KCNN2: variants seen among roughly 807,000 people sequenced by gnomAD.
KCNN2 encodes potassium calcium-activated channel subfamily N member 2, also known as small conductance calcium-activated potassium channel protein 2.
A neutral mutation model predicts 55.5 loss-of-function variants in KCNN2; 24 were observed. The observed-to-expected ratio is 0.43, with a 90% CI of 0.31 to 0.61. KCNN2 has a LOEUF of 0.61. KCNN2 is among the 20% of genes least tolerant of loss of function. The pLI, the probability that KCNN2 is intolerant of heterozygous loss-of-function variation, is 0.08. For synonymous variants in KCNN2, 431 were observed against 336.1 expected, an observed-to-expected ratio of 1.28 and a Z score of -3.09; for missense variants, 754 against 853.6, an observed-to-expected ratio of 0.88 and a Z score of 1.45.
chr5:114,389,168 A>C (rs1426394954), intron 2 of KCNN2, among the ~76,000 whole-genome samples: 1 of 151,854 alleles, frequency 6.6e-6, no homozygotes, highest in Non-Finnish European at 1.5e-5. Flanking sequence ...GATTTACTTA[A>C]TGTAATAATT....
intron 2 of KCNN2, among the ~76,000 whole-genome samples, chr5:114,377,129 G>C (rs1362407221): frequency 6.6e-6 from 1 of 152,082 alleles, no homozygotes; most frequent in Non-Finnish European, 1.5e-5. Flanking sequence ...TTTTAAATTT[G>C]CCTAATGGAT....
intron 2 of KCNN2, among the ~76,000 whole-genome samples, chr5:114,400,923 A>G (rs1482200338): frequency 2.0e-5 from 3 of 150,738 alleles, no homozygotes; most frequent in Non-Finnish European, 4.4e-5. Flanking sequence ...AACAATGTCC[A>G]AAAGCGTAAT....
At chr5:114,428,983 G>T (rs565497278) in intron 3 of KCNN2, among the ~76,000 whole-genome samples, 1 of 152,142 alleles carries the variant, frequency 6.6e-6, no homozygotes, top group East Asian at 1.9e-4. Context: ...GGGCATCTTG[G>T]TGGCTTCCAA....
intron 2 of KCNN2, among the ~76,000 whole-genome samples, chr5:114,344,348 G>T (rs140346630): frequency 4.8e-4 from 73 of 152,330 alleles, no homozygotes; most frequent in African/African-American, 1.7e-3. Context: ...TCACAGCAAA[G>T]AATGCAGATG....
At chr5:114,148,280 A>T (rs1752445671) in intron 1 of KCNN2, among the ~76,000 whole-genome samples, 4 of 152,176 alleles carry the variant, frequency 2.6e-5, no homozygotes, top group Admixed American at 2.6e-4. Context: ...ACACCCTGAT[A>T]GGTTTAATAA....
chr5:114,065,174 G>A (rs1049779306), intron 1 of KCNN2, among the ~76,000 whole-genome samples: 4 of 152,188 alleles, frequency 2.6e-5, no homozygotes, highest in South Asian at 2.1e-4. Flanking sequence ...TTTGGATTGC[G>A]AAGAGGAACT....
intron 1 of KCNN2, among the ~76,000 whole-genome samples, chr5:114,108,877 G>C (rs889585979): frequency 6.6e-6 from 1 of 152,040 alleles, no homozygotes. Flanking sequence ...TTTCTCTTGG[G>C]TAAACAGAAG....
chr5:114,431,166 A>T (rs1759781357), intron 3 of KCNN2, among the ~76,000 whole-genome samples: 1 of 152,114 alleles, frequency 6.6e-6, no homozygotes, highest in African/African-American at 2.4e-5. Context: ...GAGAATTAGT[A>T]TAATTTCTTC....
At position 114,368,680 on chromosome 5, in the gene KCNN2, C is replaced by G. The variant is rs375682636; in HGVS notation, c.1218+4679C>G. ...ACCAATACACATAATAAAAACAGTA[C>G]AGCAGACTTTAGAATAAAAAGTGAA... On this transcript the variant is annotated intron_variant, in intron 2 of 7. Transcript: ENST00000673685. Among the ~76,000 whole-genome samples the G allele has an allele frequency of 6.6e-5, 10 of 152,188 alleles. No individual in the cohort carries two copies. The East Asian group carries it at 7.7e-4, about 12-fold the overall frequency.
intron 2 of KCNN2, among the ~76,000 whole-genome samples, chr5:114,371,233 T>C (rs1236543258): frequency 6.6e-6 from 1 of 152,164 alleles, no homozygotes; most frequent in African/African-American, 2.4e-5. Flanking sequence ...TTATGCTGAT[T>C]GTATATGAGA....
At chr5:114,161,141 A>G (rs952346584) in intron 1 of KCNN2, among the ~76,000 whole-genome samples, 2 of 152,134 alleles carry the variant, frequency 1.3e-5, no homozygotes, top group African/African-American at 4.8e-5. Flanking sequence ...AGTGGCTGGT[A>G]CTGGTTTTTC....
chr5:114,247,295 T>C (rs1304941898), intron 2 of KCNN2, among the ~76,000 whole-genome samples: 1 of 151,320 alleles, frequency 6.6e-6, no homozygotes, highest in Admixed American at 6.6e-5. Context: ...TAACAGACAG[T>C]TTTCTACACA....
chr5:114,153,169 T>A (rs567010365), intron 1 of KCNN2, among the ~76,000 whole-genome samples: 1 of 152,308 alleles, frequency 6.6e-6, no homozygotes, highest in Non-Finnish European at 1.5e-5. Flanking sequence ...CAATTAGATA[T>A]ATGAGTCAGA....
chr5:114,341,151 GA>G (rs1260706218), intron 2 of KCNN2, among the ~76,000 whole-genome samples: 1 of 152,108 alleles, frequency 6.6e-6, no homozygotes, highest in Non-Finnish European at 1.5e-5. Flanking sequence ...CATAAAGCTG[GA>G]AAAATATTTA....
At chr5:114,332,218 T>C (rs1420050954) in intron 2 of KCNN2, among the ~76,000 whole-genome samples, 2 of 152,178 alleles carry the variant, frequency 1.3e-5, no homozygotes, top group Non-Finnish European at 2.9e-5. Flanking sequence ...GAAAAGGATG[T>C]GTGACAGACA....
At chr5:114,149,336 G>A (rs1193879009) in intron 1 of KCNN2, among the ~76,000 whole-genome samples, 4 of 152,110 alleles carry the variant, frequency 2.6e-5, no homozygotes, top group Non-Finnish European at 4.4e-5. Flanking sequence ...AACAAAGAAG[G>A]CCATATTGGG....
chr5:114,357,898 T>C (rs1054779008), upstream of KCNN2, among the ~76,000 whole-genome samples: 10 of 151,480 alleles, frequency 6.6e-5, no homozygotes, highest in African/African-American at 2.4e-4. Flanking sequence ...ATGGTTGAAC[T>C]AGTTTACAGT....
In KCNN2 at chr5:114,461,266, A is replaced by G. The variant is rs191428465; in HGVS notation, c.1638-1783A>G. 3.3e-5 allele frequency among the ~76,000 whole-genome samples: 5 copies of G among 152,288 alleles called. No individual in the cohort carries two copies. The East Asian group carries it at 9.7e-4, about 29-fold the overall frequency. On this transcript the variant is annotated intron_variant, in intron 3 of 7. Coordinates refer to ENST00000673685, the MANE Select transcript of KCNN2 (RefSeq NM_021614.4). ...CAGCTGCCTTCCTGGAATGCTAGGA[A>G]TACATATGACTTTCCTTTTGACAAT...
chr5:114,084,785 T>G (rs1374434376), intron 1 of KCNN2, among the ~76,000 whole-genome samples: 1 of 152,018 alleles, frequency 6.6e-6, no homozygotes, highest in East Asian at 1.9e-4. Flanking sequence ...TTGAGAAATT[T>G]TACGGTTTTT....
Sources: gnomAD v4.1 joint callset for allele counts (sites outside exome capture counted in the v4.1 genomes callset) on GRCh38, gnomAD v4.1.1 for gene constraint, MANE v1.5 for transcripts, NCBI Gene and HGNC (gene_info 2026-07-23, HGNC 2026-07-21) for gene names.